PDK3: variants seen among roughly 807,000 people sequenced by gnomAD.
The protein encoded by PDK3 is pyruvate dehydrogenase kinase 3.
PDK3 carries 12 observed loss-of-function variants against 32.0 expected under a neutral mutation model. That is an observed-to-expected ratio of 0.37 (90% confidence interval 0.24 to 0.61). PDK3 has a LOEUF of 0.61. PDK3 is among the 20% of genes least tolerant of loss of function. The pLI, the probability that PDK3 is intolerant of heterozygous loss-of-function variation, is 0.65. For missense variants in PDK3, 188 were observed against 316.9 expected (o/e 0.59, Z 3.09); for synonymous variants, 122 against 116.3 (o/e 1.05, Z -0.31).
At chrX:24,494,112 G>A (rs1444056033) in intron 1 of PDK3, among the ~76,000 whole-genome samples, 1 of 112,152 alleles carries the variant, frequency 8.9e-6, no homozygotes, top group Non-Finnish European at 1.9e-5. Flanking sequence ...CTCCGATGTG[G>A]CATGGTAGAT....
At chrX:24,494,617 A>G (rs1407146093) in intron 1 of PDK3, 125 bp from the exon 2 acceptor site, 2 of 402,979 alleles carry the variant, frequency 5.0e-6, no homozygotes, top group Non-Finnish European at 8.2e-6. Context: ...TAAAAATTCA[A>G]CTAGAGACTG....
In PDK3 at chrX:24,465,460, G is replaced by T; in HGVS notation, c.5G>T (p.Arg2Leu). MRLFRWLLKQPV... is the reference protein window; with the variant it reads MLLFRWLLKQPV... Reference sequence around the variant, plus strand: ...CTGTGCGCCGCCCGGGCGAGGATGCGGCTGTTCCGGTGGCTGCTGAAGCAG... The same window carrying T: ...CTGTGCGCCGCCCGGGCGAGGATGCTGCTGTTCCGGTGGCTGCTGAAGCAG... Residue 2 changes from arginine (R) to leucine (L), a missense_variant, in exon 1 of 11, where the codon CGG becomes CTG. Transcript: ENST00000379162. The T allele has an allele frequency of 8.3e-7, 1 of 1,203,117 alleles. No homozygotes were observed. The highest frequency in any genetic ancestry group is 3.0e-5 in the East Asian group (1 of 33,636).
chrX:24,527,442 G>A (rs1259768966), intron 7 of PDK3, 132 bp from the exon 8 acceptor site: 2 of 424,092 alleles, frequency 4.7e-6, no homozygotes, highest in African/African-American at 5.0e-5. Flanking sequence ...AGGGAAAAAT[G>A]CCATAAAAAT....
chrX:24,503,532 C>G, intron 4 of PDK3, 21 bp downstream of exon 4: 2 of 1,080,169 alleles, frequency 1.9e-6, no homozygotes. Context: ...GTTTGTTGGT[C>G]CAGTTTTGAA....
At chrX:24,502,501 G>C (rs993990137) in intron 3 of PDK3, among the ~76,000 whole-genome samples, 1 of 111,720 alleles carries the variant, frequency 9.0e-6, no homozygotes, top group Non-Finnish European at 1.9e-5. Context: ...CCAGATACTT[G>C]AATAGTTTAA....
chrX:24,526,119 A>C, intron 6 of PDK3, 79 bp from the exon 7 acceptor site: 1 of 755,535 alleles, frequency 1.3e-6, no homozygotes, highest in East Asian at 3.2e-5. Flanking sequence ...ACACACTTGG[A>C]AAATAGAATG....
chrX:24,535,213 A>G (rs1922743907), downstream of PDK3, among the ~76,000 whole-genome samples: 1 of 112,104 alleles, frequency 8.9e-6, no homozygotes, highest in Admixed American at 9.4e-5. Context: ...ATAAAAAATA[A>G]GAAAACATTG....
rs369738728 is a variant in PDK3, at chrX:24,526,213, A to G, written c.689A>G (p.Lys230Arg). ...VEEFNAKAPD[K>R]PIQVVYVPSH... ...CTGTTTTCAGCCAAAGCGCCAGACA[A>G]ACCTATTCAGGTGGTTTATGTGCCC... is the stretch of plus-strand genomic sequence containing the variant. Residue 230 changes from lysine (K) to arginine (R), a missense_variant, in exon 7 of 11, where the codon AAA becomes AGA. Transcript: ENST00000379162. 2.5e-6 allele frequency: 3 copies of G among 1,205,249 alleles called. No individual in the cohort carries two copies. Among genetic ancestry groups the G allele is most frequent in the Non-Finnish European group, 3.4e-6 (3 of 890,911 alleles).
At position 24,527,610 on chromosome X, in the gene PDK3, A is replaced by T; in HGVS notation, c.787A>T (p.Arg263Ter). 1 of 1,192,685 alleles carries T rather than the reference A, an allele frequency of 8.4e-7. No homozygotes were observed. Among genetic ancestry groups the T allele is most frequent in the Non-Finnish European group, 1.1e-6 (1 of 880,763 alleles). Residue 263 changes from arginine (R) to a stop codon, truncating the protein, a stop_gained, in exon 8 of 11, where the codon AGA becomes TGA. Coordinates refer to ENST00000379162, the MANE Select transcript of PDK3 (RefSeq NM_005391.5). LOFTEE classifies it high-confidence loss of function. ...MRATVELYED[R>*]KEGYPAVKTL... is the part of the protein sequence containing the mutation. ...AGCGACAGTTGAACTCTATGAAGAC[A>T]GAAAAGAGGGCTACCCTGCTGTTAA...
At chrX:24,466,665 G>A (rs768965744) in intron 1 of PDK3, among the ~76,000 whole-genome samples, 1 of 110,560 alleles carries the variant, frequency 9.0e-6, no homozygotes, top group South Asian at 3.9e-4. Flanking sequence ...AGGAAGAGAG[G>A]AATAGGTTAA....
chrX:24,477,461 A>G (rs1430503578), intron 1 of PDK3, among the ~76,000 whole-genome samples: 1 of 111,716 alleles, frequency 9.0e-6, no homozygotes, highest in East Asian at 2.8e-4. Flanking sequence ...AAAACTGAAG[A>G]CATTTGGAAA....
chrX:24,531,355 C>T (rs190914603), intron 9 of PDK3, among the ~76,000 whole-genome samples: 187 of 111,731 alleles, frequency 1.7e-3, no homozygotes, highest in African/African-American at 5.6e-3. Flanking sequence ...CCACTGTGCC[C>T]GGCCTTGGAA....
intron 6 of PDK3, among the ~76,000 whole-genome samples, chrX:24,523,304 C>T (rs1030430221): frequency 2.7e-5 from 3 of 112,622 alleles, no homozygotes; most frequent in Non-Finnish European, 5.6e-5. Flanking sequence ...ACCATCACAT[C>T]AAGGGTTACA....
intron 5 of PDK3, among the ~76,000 whole-genome samples, chrX:24,510,697 C>T (rs1272284916): frequency 2.7e-5 from 3 of 111,939 alleles, no homozygotes; most frequent in Non-Finnish European, 5.6e-5. Context: ...CTGCTGTCTG[C>T]GTCAGTATTT....
chrX:24,487,968 C>T (rs1486823925), intron 1 of PDK3, among the ~76,000 whole-genome samples: 1 of 90,712 alleles, frequency 1.1e-5, no homozygotes. Context: ...TGTGCCATTG[C>T]ACTCCAGCCT....
At chrX:24,471,268 T>G (rs1426685467) in intron 1 of PDK3, among the ~76,000 whole-genome samples, 1 of 112,630 alleles carries the variant, frequency 8.9e-6, no homozygotes, top group Non-Finnish European at 1.9e-5. Context: ...GTTATTCCTC[T>G]GAGCACTGCT....
chrX:24,495,889 G>A (rs1005758405), intron 2 of PDK3, among the ~76,000 whole-genome samples: 5 of 111,956 alleles, frequency 4.5e-5, no homozygotes, highest in African/African-American at 1.3e-4. Context: ...GGTCAAAGGC[G>A]GCTCCTTATG....
rs1273886196 is a variant in PDK3, at chrX:24,465,920, A to AT, written c.106+371dup. 6.5e-3 allele frequency among the ~76,000 whole-genome samples: 686 copies of AT among 105,194 alleles called. 5 individuals carry two copies. Among genetic ancestry groups the AT allele is most frequent in the Middle Eastern group, 0.015 (3 of 203 alleles). The allele number at this position is 105,194 out of a possible 115,157, so 91.3% of individuals were successfully genotyped here. A position where few individuals can be genotyped will look rare whatever the true frequency, so the allele number is the denominator to read the frequency against. On this transcript the variant is annotated intron_variant, in intron 1 of 10. Coordinates refer to ENST00000379162, the MANE Select transcript of PDK3 (RefSeq NM_005391.5). Reference sequence around the variant, plus strand: ...GCTTTTTAATGTTTTTATTTTTAGAATTTTTTTTTTTTGGTTGGGTAAGAA... The same window carrying AT: ...GCTTTTTAATGTTTTTATTTTTAGAATTTTTTTTTTTTTGGTTGGGTAAGAA...
intron 1 of PDK3, among the ~76,000 whole-genome samples, chrX:24,474,378 G>A (rs1301419945): frequency 1.0e-5 from 1 of 96,079 alleles, no homozygotes; most frequent in East Asian, 3.3e-4. Flanking sequence ...AGTTATATAA[G>A]TTTATTTTAT....
Sources: allele counts gnomAD v4.1 joint callset (sites outside exome capture counted in the v4.1 genomes callset), GRCh38; gene constraint gnomAD v4.1.1; transcripts MANE v1.5; gene names NCBI Gene and HGNC (gene_info 2026-07-23, HGNC 2026-07-21).